The following AFDN variants were observed in gnomAD, a reference collection of about 807,000 sequenced individuals.
AFDN encodes the protein afadin, adherens junction formation factor.
A neutral mutation model predicts 216.6 loss-of-function variants in AFDN; 68 were observed. That is an observed-to-expected ratio of 0.31 (90% CI 0.26 to 0.38). The LOEUF is 0.38. AFDN is among the 10% of genes least tolerant of loss of function. The probability of loss-of-function intolerance (pLI) is 1.00; values close to 1 mark genes in which losing one functional copy is unlikely to be tolerated. For synonymous variants in AFDN, 868 were observed against 853.7 expected (o/e 1.02, Z -0.29); for missense variants, 2,136 against 2,342.0 (o/e 0.91, Z 1.82).
rs1215838007 is a variant in AFDN, at chr6:167,943,117, T to C, written c.3100-12T>C. On this transcript the variant is annotated splice_polypyrimidine_tract_variant and intron_variant, in intron 23 of 33. Transcript: ENST00000683244. ...TCTTCAATGCAGTGTTTTCGCCTTG[T>C]TTTTGCAATAGGGTGCTGGTCAAGA... 1 of 1,611,690 alleles carries C rather than the reference T, an allele frequency of 6.2e-7. No individual in the cohort carries two copies. Among genetic ancestry groups the C allele is most frequent in the Admixed American group, 1.7e-5 (1 of 59,566 alleles).
At chr6:167,847,617 A>G (rs1781843705) in intron 1 of AFDN, among the ~76,000 whole-genome samples, 1 of 152,204 alleles carries the variant, frequency 6.6e-6, no homozygotes, top group Non-Finnish European at 1.5e-5. Flanking sequence ...TCTTAGCAGC[A>G]GATTCTGTCA....
At chr6:167,850,350 T>C (rs1254248732) in intron 1 of AFDN, among the ~76,000 whole-genome samples, 1 of 152,220 alleles carries the variant, frequency 6.6e-6, no homozygotes, top group East Asian at 1.9e-4. Flanking sequence ...GTGCTTGTGT[T>C]TGTTTCCTAA....
chr6:167,897,284 C>T (rs1317174836), intron 10 of AFDN, among the ~76,000 whole-genome samples: 3 of 152,158 alleles, frequency 2.0e-5, no homozygotes, highest in Non-Finnish European at 2.9e-5. Context: ...ATAACCTATG[C>T]AGAAGTGCTT....
chr6:167,965,179 G>GT (rs1797418414), intron 31 of AFDN: 1 of 643,820 alleles, frequency 1.6e-6, no homozygotes, highest in Non-Finnish European at 1.9e-6. Context: ...CTGGTTTCCT[G>GT]TTAATCTCCT....
chr6:167,922,501 T>C (rs915301192), intron 21 of AFDN, among the ~76,000 whole-genome samples: 3 of 152,184 alleles, frequency 2.0e-5, no homozygotes, highest in Non-Finnish European at 2.9e-5. Context: ...CTTTGCTAAG[T>C]AGGTATTCTG....
intron 30 of AFDN, among the ~76,000 whole-genome samples, chr6:167,954,837 G>A (rs1399715269): frequency 5.3e-5 from 8 of 152,000 alleles, no homozygotes; most frequent in African/African-American, 1.9e-4. Flanking sequence ...TTTCACATTA[G>A]ACATAGATTT....
chr6:167,967,405 A>G (rs895686061), intron 32 of AFDN, among the ~76,000 whole-genome samples: 1 of 152,202 alleles, frequency 6.6e-6, no homozygotes, highest in African/African-American at 2.4e-5. Context: ...AATAATATTT[A>G]GGTTGAGTCA....
rs937398759 is a variant in AFDN at position 167,856,819 on chromosome 6, A to G, written c.106-7732A>G. Among the ~76,000 whole-genome samples, 125 of 152,222 alleles carry G rather than the reference A, an allele frequency of 8.2e-4. 2 individuals carry two copies. The highest frequency in any genetic ancestry group is 1.5e-4 in the Non-Finnish European group (10 of 67,994). ...AAAAAGGAGTGTTTTAGTGTCATAT[A>G]TATATGACAAATATATTTATTAAGC... is the stretch of plus-strand genomic sequence containing the variant. On this transcript the variant is annotated intron_variant, in intron 1 of 33. Transcript: ENST00000683244.
intron 8 of AFDN, 58 bp downstream of exon 8, chr6:167,891,087 T>A (rs1787511622): frequency 7.2e-7 from 1 of 1,385,032 alleles, no homozygotes; most frequent in African/African-American, 1.5e-5. Flanking sequence ...GCTTCAAATC[T>A]TTGTACTTTC....
At chr6:167,964,466 A>G in intron 31 of AFDN, 1 of 1,065,680 alleles carries the variant, frequency 9.4e-7, no homozygotes, top group Non-Finnish European at 1.1e-6. Flanking sequence ...TGTGTAGACA[A>G]GAAGATGAGA....
chr6:167,888,007 T>C (rs1455384998), intron 6 of AFDN, among the ~76,000 whole-genome samples: 1 of 152,148 alleles, frequency 6.6e-6, no homozygotes, highest in Non-Finnish European at 1.5e-5. Flanking sequence ...GTGGATGTTA[T>C]TAGACATGAA....
Position 167,946,763 on chromosome 6 carries a change from T to C in AFDN, c.3415T>C (p.Tyr1139His). 1 of 1,614,026 alleles carries C rather than the reference T, an allele frequency of 6.2e-7. No homozygotes were observed. The highest frequency in any genetic ancestry group is 8.5e-7 in the Non-Finnish European group (1 of 1,179,970). Residue 1139 changes from tyrosine to histidine, a missense_variant, in exon 27 of 34, where the codon TAT becomes CAT. By Grantham distance (83) the Tyr-to-His change is moderately conservative. Around this residue, in one of 8 missense-constraint regions of AFDN, gnomAD observed 981 missense variants for 966.0 expected, o/e 1.02. Coordinates refer to ENST00000683244, the MANE Select transcript of AFDN (RefSeq NM_001386888.1). The stretch of plus-strand genomic sequence containing the variant: ...ACCAAAGAGTGAAGGCTTTGAGCTC[T>C]ATAATAATTCAACTCAAAATGGGTC... ...PRPKSEGFEL[Y>H]NNSTQNGSPE...
chr6:167,881,855 T>C (rs1028551291), intron 6 of AFDN, among the ~76,000 whole-genome samples: 4 of 152,160 alleles, frequency 2.6e-5, no homozygotes, highest in Non-Finnish European at 5.9e-5. Context: ...AGAAGGCACT[T>C]GTTGAAAGAA....
At chr6:167,950,098 C>T (rs1562733102) in intron 29 of AFDN, among the ~76,000 whole-genome samples, 1 of 152,156 alleles carries the variant, frequency 6.6e-6, no homozygotes, top group Non-Finnish European at 1.5e-5. Context: ...AGTAATGAGA[C>T]TCTGTGTACT....
chr6:167,866,785 C>A (rs1167674810), intron 2 of AFDN, among the ~76,000 whole-genome samples: 2 of 152,174 alleles, frequency 1.3e-5, no homozygotes, highest in Non-Finnish European at 2.9e-5. Flanking sequence ...TGCTGTGGTC[C>A]AGCAGCCACC....
intron 18 of AFDN, 89 bp from the exon 19 acceptor site, chr6:167,915,079 A>T: frequency 8.0e-7 from 1 of 1,245,668 alleles, no homozygotes; most frequent in Non-Finnish European, 1.1e-6. Context: ...TTACTACCAT[A>T]GGTACCATTA....
intron 15 of AFDN, among the ~76,000 whole-genome samples, chr6:167,912,938 C>T (rs147655245): frequency 1.3e-5 from 2 of 152,270 alleles, no homozygotes; most frequent in African/African-American, 4.8e-5. Context: ...TTCTCATCTT[C>T]TCAGCTTTTA....
intron 12 of AFDN, among the ~76,000 whole-genome samples, chr6:167,903,293 G>C (rs916014797): frequency 6.6e-6 from 1 of 152,206 alleles, no homozygotes; most frequent in African/African-American, 2.4e-5. Flanking sequence ...TGACTGGTGT[G>C]ACCACCTTCA....
intron 26 of AFDN, 112 bp from the exon 27 acceptor site, chr6:167,946,595 T>C (rs1795290029): frequency 1.2e-6 from 1 of 866,644 alleles, no homozygotes. Flanking sequence ...TAGGAAGAAT[T>C]GACCTTTATC....
Sources: gnomAD v4.1 joint callset for allele counts (sites outside exome capture counted in the v4.1 genomes callset) on GRCh38, gnomAD v4.1.1 for gene constraint, gnomAD v4.1.1 regional missense constraint, MANE v1.5 for transcripts, NCBI Gene and HGNC (gene_info 2026-07-23, HGNC 2026-07-21) for gene names.